HDAC9: variants seen among roughly 807,000 people sequenced by gnomAD.
The protein encoded by HDAC9 is MEF-2 interacting transcription repressor (MITR) protein.
A neutral mutation model predicts 139.4 loss-of-function variants in HDAC9; 41 were observed. The ratio of observed to expected loss-of-function variants is 0.29; its 90% confidence interval spans 0.23 to 0.38. HDAC9 has a LOEUF of 0.38. Ranked by LOEUF, HDAC9 falls within the 10% of genes least tolerant of loss-of-function variation. The pLI is 1.00. For missense variants in HDAC9, 1,147 were observed against 1,297.0 expected (o/e 0.88, Z 1.78); for synonymous variants, 517 against 476.2 (o/e 1.09, Z -1.12).
intron 1 of HDAC9, among the ~76,000 whole-genome samples, chr7:18,144,794 T>C (rs951849694): frequency 6.6e-6 from 1 of 151,822 alleles, no homozygotes; most frequent in African/African-American, 2.4e-5. Flanking sequence ...TAGCAGTTTC[T>C]GGATCATCCT....
chr7:18,299,169 T>A (rs190637496), intron 1 of HDAC9, among the ~76,000 whole-genome samples: 2,945 of 151,946 alleles, frequency 0.019, 45 homozygotes, highest in Middle Eastern at 0.055. Flanking sequence ...AAGATTTTTT[T>A]AAAAATTTAT....
chr7:18,518,985 T>G (rs2128209340), intron 2 of HDAC9, among the ~76,000 whole-genome samples: 1 of 152,300 alleles, frequency 6.6e-6, no homozygotes, highest in African/African-American at 2.4e-5. Flanking sequence ...ATTGAATCTT[T>G]ATGTCCAGAA....
chr7:18,671,184 T>C (rs1258375032), intron 12 of HDAC9, among the ~76,000 whole-genome samples: 1 of 152,034 alleles, frequency 6.6e-6, no homozygotes, highest in Non-Finnish European at 1.5e-5. Flanking sequence ...CGCTTGATAA[T>C]AATTTTGACT....
chr7:18,210,540 T>C (rs1039647883), intron 2 of HDAC9, among the ~76,000 whole-genome samples: 2 of 152,194 alleles, frequency 1.3e-5, no homozygotes, highest in Admixed American at 6.5e-5. Context: ...ACCAAGCCTA[T>C]TTTAAAACCA....
intron 22 of HDAC9, among the ~76,000 whole-genome samples, chr7:18,882,335 T>C: frequency 6.6e-6 from 1 of 152,092 alleles, no homozygotes; most frequent in East Asian, 1.9e-4. Context: ...GACACTTGTT[T>C]AATATTTCCC....
upstream of HDAC9, among the ~76,000 whole-genome samples, chr7:18,287,682 G>C (rs113155156): frequency 6.6e-6 from 1 of 152,176 alleles, no homozygotes; most frequent in Non-Finnish European, 1.5e-5. Context: ...TTCCTGCCCT[G>C]GTCTCCTTCA....
intron 3 of HDAC9, among the ~76,000 whole-genome samples, chr7:18,588,633 G>C (rs748517839): frequency 5.3e-5 from 8 of 152,148 alleles, no homozygotes; most frequent in Non-Finnish European, 8.8e-5. Flanking sequence ...TGTTGTTGCT[G>C]AGTCTGAATG....
At chr7:18,939,133 T>C (rs1047028847) in intron 23 of HDAC9, among the ~76,000 whole-genome samples, 8 of 152,224 alleles carry the variant, frequency 5.3e-5, no homozygotes, top group African/African-American at 1.9e-4. Flanking sequence ...CTTGTCCCTT[T>C]TGGTTGGTGG....
At chr7:18,211,905 G>A (rs1352020700) in intron 2 of HDAC9, among the ~76,000 whole-genome samples, 1 of 152,182 alleles carries the variant, frequency 6.6e-6, no homozygotes, top group Non-Finnish European at 1.5e-5. Context: ...GAGAGTGGGA[G>A]TTTGAGGGAC....
At chr7:18,317,029 G>C (rs1456232937) in intron 1 of HDAC9, among the ~76,000 whole-genome samples, 1 of 151,374 alleles carries the variant, frequency 6.6e-6, no homozygotes, top group Non-Finnish European at 1.5e-5. Flanking sequence ...GGGAGGCAGA[G>C]CTTGCAGTGA....
chr7:18,965,024 G>T (rs1397778888), intron 24 of HDAC9, among the ~76,000 whole-genome samples: 4 of 152,176 alleles, frequency 2.6e-5, no homozygotes, highest in Non-Finnish European at 5.9e-5. Context: ...CCTCATAAAA[G>T]CTATACTTCT....
At chr7:18,876,827 C>T (rs1472569972) in intron 22 of HDAC9, among the ~76,000 whole-genome samples, 3 of 151,824 alleles carry the variant, frequency 2.0e-5, no homozygotes, top group Non-Finnish European at 4.4e-5. Context: ...CTCAGCCTCC[C>T]TAGTAGCTGG....
chr7:18,654,307 T>C (rs1448879964), intron 11 of HDAC9, among the ~76,000 whole-genome samples: 2 of 152,168 alleles, frequency 1.3e-5, no homozygotes, highest in Non-Finnish European at 2.9e-5. Context: ...TCTTCTAGTG[T>C]ACCTCTTCCT....
upstream of HDAC9, among the ~76,000 whole-genome samples, chr7:18,495,153 C>T (rs993317462): frequency 1.3e-5 from 2 of 151,970 alleles, no homozygotes; most frequent in African/African-American, 4.8e-5. Flanking sequence ...TCCTGTTAGT[C>T]CTGAAACTAG....
At chr7:18,571,832 C>T (rs1009730873) in intron 2 of HDAC9, among the ~76,000 whole-genome samples, 6 of 152,052 alleles carry the variant, frequency 3.9e-5, no homozygotes, top group African/African-American at 1.4e-4. Flanking sequence ...TTTGTTTCTC[C>T]TACTTTTCCC....
chr7:18,250,826 G>A (rs1794872598), intron 2 of HDAC9, among the ~76,000 whole-genome samples: 1 of 152,058 alleles, frequency 6.6e-6, no homozygotes, highest in Non-Finnish European at 1.5e-5. Flanking sequence ...TGACTGGTGT[G>A]AGATGGTTTC....
chr7:18,994,628 T>C (rs1786308470), intron 25 of HDAC9, among the ~76,000 whole-genome samples: 1 of 152,200 alleles, frequency 6.6e-6, no homozygotes, highest in South Asian at 2.1e-4. Flanking sequence ...AAAAGGATGC[T>C]TTAAAAATTT....
chr7:18,702,752 A>G (rs767312877), intron 12 of HDAC9, among the ~76,000 whole-genome samples: 6 of 152,048 alleles, frequency 3.9e-5, no homozygotes, highest in Non-Finnish European at 8.8e-5. Context: ...TAGAATTACC[A>G]TTTCCCTCTG....
intron 1 of HDAC9, among the ~76,000 whole-genome samples, chr7:18,117,844 G>A (rs1012281993): frequency 6.6e-6 from 1 of 152,206 alleles, no homozygotes; most frequent in Non-Finnish European, 1.5e-5. Context: ...CAGAAGTTGA[G>A]AATGGAGAGA....
Sources: allele counts gnomAD v4.1 joint callset (sites outside exome capture counted in the v4.1 genomes callset), GRCh38; gene constraint gnomAD v4.1.1; transcripts MANE v1.5; gene names NCBI Gene and HGNC (gene_info 2026-07-23, HGNC 2026-07-21).